Variants in NREP observed in about 807,000 individuals in gnomAD.
The protein encoded by NREP is neuronal regeneration related protein, also known as neuronal regeneration-related protein.
A neutral mutation model predicts 8.6 loss-of-function variants in NREP; 5 were observed. The observed-to-expected ratio is 0.58, with a 90% CI of 0.30 to 1.22. NREP has a LOEUF of 1.22. Among genes scored for constraint, NREP ranks in the 50% most tolerant of loss-of-function variants. NREP has a pLI of 0.07. For synonymous variants in NREP, 27 were observed against 28.0 expected, an observed-to-expected ratio of 0.96 and a Z score of 0.11; for missense variants, 86 against 82.5, an observed-to-expected ratio of 1.04 and a Z score of -0.17.
In NREP at chr5:111,881,685, T is replaced by C. The variant is rs568072398; in HGVS notation, c.135+93589A>G. Among the ~76,000 whole-genome samples, 180 of 152,292 alleles carry C rather than the reference T, an allele frequency of 1.2e-3. 1 individual carries two copies. Among genetic ancestry groups the C allele is most frequent in the Non-Finnish European group, 2.0e-3 (134 of 68,014 alleles). ...ATTTGCGGTCCATGAAAATCCACTG[T>C]TCTGCAGCCACCTCTGCAGATACCC... On this transcript the variant is annotated intron_variant, in intron 2 of 3. Transcript: ENST00000395634.
intron 2 of NREP, among the ~76,000 whole-genome samples, chr5:111,851,222 T>A (rs1753301802): frequency 6.6e-6 from 1 of 152,190 alleles, no homozygotes; most frequent in Non-Finnish European, 1.5e-5. Flanking sequence ...ATGTCTTTCC[T>A]TTTTTATTCA....
intron 2 of NREP, among the ~76,000 whole-genome samples, chr5:111,917,722 G>C (rs1392708226): frequency 6.6e-6 from 1 of 152,078 alleles, no homozygotes; most frequent in Non-Finnish European, 1.5e-5. Flanking sequence ...AATAATAAGA[G>C]CTATTTATGA....
intron 2 of NREP, among the ~76,000 whole-genome samples, chr5:111,851,500 A>ACT (rs1753309357): frequency 6.6e-6 from 1 of 152,156 alleles, no homozygotes; most frequent in Non-Finnish European, 1.5e-5. Context: ...AGAGAGAGAG[A>ACT]CAGACTGACC....
chr5:111,756,208 G>A, intron 1 of NREP: 1 of 1,009,952 alleles, frequency 9.9e-7, no homozygotes, highest in East Asian at 8.8e-5. Flanking sequence ...CAAGACGACA[G>A]AATAGGAATC....
chr5:111,888,480 C>T (rs1174824070), intron 2 of NREP, among the ~76,000 whole-genome samples: 2 of 152,218 alleles, frequency 1.3e-5, no homozygotes, highest in African/African-American at 4.8e-5. Context: ...CTCATGAGAA[C>T]TCACTCACTA....
At chr5:111,904,887 C>T (rs1402263913) in intron 2 of NREP, among the ~76,000 whole-genome samples, 1 of 152,080 alleles carries the variant, frequency 6.6e-6, no homozygotes, top group Non-Finnish European at 1.5e-5. Context: ...GTCTCTCAGG[C>T]TCATTCAGCT....
rs150578889 is a variant in NREP at position 111,833,750 on chromosome 5, T to C, written c.136-98243A>G. Among the ~76,000 whole-genome samples the C allele has an allele frequency of 1.8e-3, 279 of 152,278 alleles. 2 individuals are homozygous for C. The highest frequency in any genetic ancestry group is 6.2e-3 in the African/African-American group (259 of 41,566). ...CAGTAAGATTGATCAGCGTGGCTGA[T>C]GGAGTGGCATACTCATGGGAAAACT... is the stretch of plus-strand genomic sequence containing the variant. On this transcript the variant is annotated intron_variant, in intron 2 of 3. Coordinates refer to the NREP transcript ENST00000395634.
At chr5:111,879,188 T>C (rs1753985561) in intron 2 of NREP, among the ~76,000 whole-genome samples, 1 of 152,182 alleles carries the variant, frequency 6.6e-6, no homozygotes, top group Admixed American at 6.5e-5. Context: ...CTCCCCCCTT[T>C]TGCCTACTGC....
chr5:111,747,040 G>A (rs1750052358), intron 2 of NREP, among the ~76,000 whole-genome samples: 2 of 152,260 alleles, frequency 1.3e-5, no homozygotes, highest in South Asian at 4.1e-4. Flanking sequence ...CACAAGAACA[G>A]ACTTTGACAT....
Position 111,744,221 on chromosome 5 carries a change from C to T in NREP, c.4-8714G>A, listed in dbSNP as rs566542295. Reference sequence around the variant, plus strand: ...CTTCTACTGGTAGCTGCAAACCCTTCAGCATTTAGCTAAAGTTATTTCACA... The same window carrying T: ...CTTCTACTGGTAGCTGCAAACCCTTTAGCATTTAGCTAAAGTTATTTCACA... On this transcript the variant is annotated intron_variant, in intron 2 of 3. Transcript: ENST00000257435. Among the ~76,000 whole-genome samples the T allele has an allele frequency of 1.0e-3, 157 of 152,254 alleles. 1 individual carries two copies. The highest frequency in any genetic ancestry group is 1.4e-3 in the Non-Finnish European group (92 of 67,996).
chr5:111,883,970 T>C (rs375791589), intron 2 of NREP, among the ~76,000 whole-genome samples: 1 of 151,604 alleles, frequency 6.6e-6, no homozygotes, highest in African/African-American at 2.4e-5. Flanking sequence ...AAATAACTAA[T>C]ATCAGAGCAG....
chr5:111,954,447 T>C lies in NREP; in HGVS notation c.135+20827A>G, dbSNP rs57632560. On this transcript the variant is annotated intron_variant, in intron 2 of 3. Transcript: ENST00000395634. ...CATTGGTTTTACTAGTGATATGTTT[T>C]GGTTTGATTTTTCTGAGCTCCAAAA... Among the ~76,000 whole-genome samples the C allele has an allele frequency of 4.1e-3, 631 of 152,286 alleles. 6 individuals are homozygous for C. Among genetic ancestry groups the C allele is most frequent in the African/African-American group, 0.014 (599 of 41,578 alleles).
At chr5:111,939,211 AC>A (rs1393893274) in intron 2 of NREP, among the ~76,000 whole-genome samples, 3 of 151,964 alleles carry the variant, frequency 2.0e-5, no homozygotes, top group African/African-American at 7.2e-5. Context: ...TAGCAAATGA[AC>A]CACATTCCTT....
chr5:111,758,081 C>T (rs930083180), upstream of NREP: 16 of 985,396 alleles, frequency 1.6e-5, no homozygotes, highest in African/African-American at 1.0e-4. Context: ...AAAGAGTCCG[C>T]GAAGGATGCA....
At chr5:111,805,144 C>T (rs59451484) in intron 2 of NREP, among the ~76,000 whole-genome samples, 2,593 of 152,292 alleles carry the variant, frequency 0.017, 56 homozygotes, top group African/African-American at 0.047. Context: ...AAAGCTTCAA[C>T]TGAGATACAA....
upstream of NREP, chr5:111,757,666 C>G: frequency 1.0e-6 from 1 of 983,560 alleles, no homozygotes; most frequent in Non-Finnish European, 1.2e-6. Flanking sequence ...GCCGCGCCGT[C>G]CCCACTGCAC....
intron 1 of NREP, 159 bp from the exon 2 acceptor site, chr5:111,755,989 C>G (rs1750679471): frequency 7.0e-7 from 1 of 1,424,508 alleles, no homozygotes; most frequent in African/African-American, 1.4e-5. Flanking sequence ...AAAGAGCTTT[C>G]CAAGTGGCCT....
intron 2 of NREP, among the ~76,000 whole-genome samples, chr5:111,776,735 G>A (rs542434879): frequency 1.3e-5 from 2 of 152,144 alleles, no homozygotes; most frequent in Non-Finnish European, 2.9e-5. Flanking sequence ...TCATTTATGT[G>A]AAGCTCCAAA....
intron 3 of NREP, chr5:111,732,575 A>G (rs777137351): frequency 2.0e-5 from 3 of 151,496 alleles, no homozygotes; most frequent in Non-Finnish European, 2.9e-5. Context: ...TCTAGATTCA[A>G]TTTCCAAAAG....
Sources: gnomAD v4.1 joint callset for allele counts (sites outside exome capture counted in the v4.1 genomes callset) on GRCh38, gnomAD v4.1.1 for gene constraint, MANE v1.5 for transcripts, NCBI Gene and HGNC (gene_info 2026-07-23, HGNC 2026-07-21) for gene names.